DPYSL2: variants seen among roughly 807,000 people sequenced by gnomAD.
DPYSL2 encodes dihydropyrimidinase like 2.
A neutral mutation model predicts 69.9 loss-of-function variants in DPYSL2; 13 were observed. The observed-to-expected ratio is 0.19, with a 90% CI of 0.12 to 0.30. DPYSL2 has a LOEUF of 0.30. Ranked by LOEUF, DPYSL2 falls within the 10% of genes least tolerant of loss-of-function variation. The pLI is 1.00. For synonymous variants in DPYSL2, 326 were observed against 359.1 expected (o/e 0.91, Z 1.04); for missense variants, 587 against 918.9 (o/e 0.64, Z 4.67).
chr8:26,548,141 G>A (rs1412972354), intron 1 of DPYSL2: 2 of 222,552 alleles, frequency 9.0e-6, no homozygotes, highest in Non-Finnish European at 1.9e-5. Context: ...AGAGGATAAA[G>A]GCAGTCAAGA....
chr8:26,515,754 A>T (rs756850328), intron 1 of DPYSL2, among the ~76,000 whole-genome samples: 2 of 152,224 alleles, frequency 1.3e-5, no homozygotes, highest in Non-Finnish European at 2.9e-5. Flanking sequence ...TTTCTCTCCC[A>T]TGCCTGCTGG....
chr8:26,542,894 AGTAT>A (rs1563380152), intron 1 of DPYSL2, among the ~76,000 whole-genome samples: 5 of 152,204 alleles, frequency 3.3e-5, no homozygotes, highest in Non-Finnish European at 7.3e-5. Context: ...GAGAGCATAC[AGTAT>A]GTATGTATCA....
chr8:26,549,236 A>G lies in DPYSL2; in HGVS notation c.355-32733A>G, dbSNP rs539577549. Among the ~76,000 whole-genome samples the G allele has an allele frequency of 1.1e-4, 16 of 151,408 alleles. No homozygotes were observed. The East Asian group carries it at 2.1e-3, about 20-fold the overall frequency. On this transcript the variant is annotated intron_variant, in intron 1 of 13. Transcript: ENST00000521913. ...AATAATAATAATAATAATCAAAAGG[A>G]TATGCTAGAAATAAAGAAAACACTA...
chr8:26,514,460 G>C lies in DPYSL2; in HGVS notation c.135G>C (p.Ser45=). The C allele has an allele frequency of 1.3e-6, 2 of 1,528,914 alleles. No homozygotes were observed. Among genetic ancestry groups the C allele is most frequent in the East Asian group, 2.5e-5 (1 of 40,170 alleles). 94.7% of individuals were successfully genotyped at this position (1,528,914 alleles called of 1,614,324 possible). A position where few individuals can be genotyped will look rare whatever the true frequency, so the allele number is the denominator to read the frequency against. Residue 45 remains serine, a synonymous_variant, in exon 1 of 14, where the codon TCG becomes TCC. Coordinates refer to ENST00000521913, the MANE Select transcript of DPYSL2 (RefSeq NM_001197293.3). This position sits in a 1 kb window ranked among gnomAD's most constrained non-coding sequence, Gnocchi z 8.4. The part of the protein sequence containing the change: ...CGMFCPVEGS[S]ENKTIDFDSL... ...TGTTCTGCCCGGTGGAAGGGTCCTCGGAGAACAAGACCATCGACTTCGACT... is the reference window on the plus strand; with the variant it reads ...TGTTCTGCCCGGTGGAAGGGTCCTCCGAGAACAAGACCATCGACTTCGACT...
chr8:26,526,757 C>T (rs767215542), intron 1 of DPYSL2, among the ~76,000 whole-genome samples: 34 of 152,262 alleles, frequency 2.2e-4, no homozygotes, highest in Non-Finnish European at 3.8e-4. Context: ...GTAGTCGATC[C>T]AGTTGGGTTT....
At chr8:26,600,734 A>C (rs1430858192) in intron 3 of DPYSL2, among the ~76,000 whole-genome samples, 2 of 151,932 alleles carry the variant, frequency 1.3e-5, no homozygotes, top group Admixed American at 6.6e-5. Context: ...AGCTCTCCCC[A>C]CTGAGGACCC....
In DPYSL2 at chr8:26,626,482, AACACACACACAC is replaced by A. The variant is rs58931747; in HGVS notation, c.794-106_794-95del. ...TCTCCTCTCTCTTTCTCTGTACTGA[AACACACACACAC>A]ACACACACACACACACACACACACA... On this transcript the variant is annotated intron_variant, in intron 4 of 13. Coordinates refer to ENST00000521913, the MANE Select transcript of DPYSL2 (RefSeq NM_001197293.3). This position sits in a 1 kb window ranked among gnomAD's most constrained non-coding sequence, Gnocchi z 4.3. The A allele has an allele frequency of 8.4e-3, 4,605 of 546,130 alleles. 25 individuals are homozygous for A. The highest frequency in any genetic ancestry group is 9.5e-3 in the Non-Finnish European group (2,983 of 313,856). 33.8% of individuals were successfully genotyped at this position (546,130 alleles called of 1,614,324 possible). A position where few individuals can be genotyped will look rare whatever the true frequency, so the allele number is the denominator to read the frequency against.
intron 3 of DPYSL2, among the ~76,000 whole-genome samples, chr8:26,595,059 A>T (rs1175647251): frequency 6.6e-6 from 1 of 151,952 alleles, no homozygotes; most frequent in African/African-American, 2.4e-5. Context: ...AATAACTAAA[A>T]ATAAAAATAA....
rs1198327550 is a variant in DPYSL2 at position 26,627,440 on chromosome 8, C to T, written c.936+145C>T. The stretch of plus-strand genomic sequence containing the variant: ...CCCTTGCTGGAGCTCTGCTCAGTCT[C>T]ACCCATGGCATGAATGCCAGTGACA... On this transcript the variant is annotated intron_variant, in intron 6 of 13. Transcript: ENST00000521913. The surrounding 1 kb of genome is among the most constrained non-coding windows in gnomAD (Gnocchi z 6.9). The T allele has an allele frequency of 2.5e-6, 2 of 804,078 alleles. No homozygotes were observed. The highest frequency in any genetic ancestry group is 4.0e-6 in the Non-Finnish European group (2 of 494,254). The allele number at this position is 804,078 out of a possible 1,614,324, so 49.8% of individuals were successfully genotyped here.
At chr8:26,546,646 G>A (rs1408432810) in intron 1 of DPYSL2, among the ~76,000 whole-genome samples, 1 of 152,022 alleles carries the variant, frequency 6.6e-6, no homozygotes, top group Non-Finnish European at 1.5e-5. Context: ...GAGGCCGGGC[G>A]TGGTGGCTCA....
chr8:26,621,794 G>A lies in DPYSL2; in HGVS notation c.629-2349G>A, dbSNP rs2129892333. Among the ~76,000 whole-genome samples, 1 of 152,292 alleles carries A rather than the reference G, an allele frequency of 6.6e-6. No homozygotes were observed. The highest frequency in any genetic ancestry group is 1.5e-5 in the Non-Finnish European group (1 of 68,030). On this transcript the variant is annotated intron_variant, in intron 3 of 13. Coordinates refer to ENST00000521913, the MANE Select transcript of DPYSL2 (RefSeq NM_001197293.3). The surrounding 1 kb of genome is among the most constrained non-coding windows in gnomAD (Gnocchi z 4.9). ...GTGAAGAATGGCCGGGGTGGCCATT[G>A]TGGGTGAGCAGGTCAGGGATAAAGA...
intron 1 of DPYSL2, among the ~76,000 whole-genome samples, chr8:26,525,061 G>A (rs992701688): frequency 6.6e-6 from 1 of 151,686 alleles, no homozygotes; most frequent in African/African-American, 2.4e-5. Flanking sequence ...ATTTTTAAAC[G>A]GCTTTGATCT....
Position 26,523,982 on chromosome 8 carries a change from C to T in DPYSL2, c.354+9303C>T, listed in dbSNP as rs148053320. On this transcript the variant is annotated intron_variant, in intron 1 of 13. Transcript: ENST00000521913. ...CTTGTGAATAATGTTGCTATGAACACGGCTATGCAAATATCTATCTGAGAC... is the reference window on the plus strand; with the variant it reads ...CTTGTGAATAATGTTGCTATGAACATGGCTATGCAAATATCTATCTGAGAC... 5.3e-5 allele frequency among the ~76,000 whole-genome samples: 8 copies of T among 152,340 alleles called. No individual in the cohort carries two copies. The East Asian group carries it at 5.8e-4, about 11-fold the overall frequency.
At chr8:26,530,113 CAAAAAAAAAA>C (rs34448431) in intron 1 of DPYSL2, among the ~76,000 whole-genome samples, 2 of 72,034 alleles carry the variant, frequency 2.8e-5, no homozygotes, top group Admixed American at 1.9e-4. Flanking sequence ...ACTCCGTCTC[CAAAAAAAAAA>C]AAAAAAAAAA....
chr8:26,569,565 T>C (rs1351939874), intron 1 of DPYSL2, among the ~76,000 whole-genome samples: 1 of 152,128 alleles, frequency 6.6e-6, no homozygotes, highest in African/African-American at 2.4e-5. Flanking sequence ...GTGCGGTCAC[T>C]GTAAGGTGGA....
At chr8:26,612,740 A>G (rs1313581429) in intron 3 of DPYSL2, among the ~76,000 whole-genome samples, 1 of 152,192 alleles carries the variant, frequency 6.6e-6, no homozygotes, top group African/African-American at 2.4e-5. Flanking sequence ...CCAGTGACAG[A>G]AAAGGATTTA....
chr8:26,604,389 T>C (rs1802061856), intron 3 of DPYSL2, among the ~76,000 whole-genome samples: 1 of 152,096 alleles, frequency 6.6e-6, no homozygotes, highest in South Asian at 2.1e-4. Context: ...TTCTGCCAGG[T>C]CCAAAGGCCC....
chr8:26,532,657 C>A (rs1800530051), intron 1 of DPYSL2, among the ~76,000 whole-genome samples: 1 of 152,188 alleles, frequency 6.6e-6, no homozygotes, highest in South Asian at 2.1e-4. Context: ...TTTCTCTCAG[C>A]ACAATGTTTT....
rs551313187 is a variant in DPYSL2 at position 26,529,812 on chromosome 8, G to A, written c.354+15133G>A. Among the ~76,000 whole-genome samples the A allele has an allele frequency of 2.7e-5, 4 of 150,116 alleles. 1 individual carries two copies. Among genetic ancestry groups the A allele is most frequent in the African/African-American group, 9.8e-5 (4 of 40,794 alleles). ...GCCAAAGCTGGTGGTGAAGATGGCTGGAAAAGAATTAACTGGGGCCGGGCA... is the reference window on the plus strand; with the variant it reads ...GCCAAAGCTGGTGGTGAAGATGGCTAGAAAAGAATTAACTGGGGCCGGGCA... On this transcript the variant is annotated intron_variant, in intron 1 of 13. Coordinates refer to ENST00000521913, the MANE Select transcript of DPYSL2 (RefSeq NM_001197293.3).
Sources: gnomAD v4.1 joint callset for allele counts (sites outside exome capture counted in the v4.1 genomes callset) on GRCh38, gnomAD v4.1.1 for gene constraint, Gnocchi (gnomAD v3.1) non-coding constraint, MANE v1.5 for transcripts, NCBI Gene and HGNC (gene_info 2026-07-23, HGNC 2026-07-21) for gene names.